ZNF100: variants seen among roughly 807,000 people sequenced by gnomAD.
The protein encoded by ZNF100 is zinc finger protein 100, also known as zinc finger protein 100 (Y1).
Under a neutral mutation model 15.8 loss-of-function variants are expected in ZNF100, and 12 were observed. The observed-to-expected ratio is 0.76, with a 90% CI of 0.49 to 1.23. The LOEUF (loss-of-function observed/expected upper bound fraction) is 1.23. Among genes scored for constraint, ZNF100 ranks in the 50% most tolerant of loss-of-function variants. The pLI, the probability that ZNF100 is intolerant of heterozygous loss-of-function variation, is 0.00. For missense variants in ZNF100, 670 were observed against 635.6 expected (o/e 1.05, Z -0.58); for synonymous variants, 226 against 214.8 (o/e 1.05, Z -0.45).
intron 2 of ZNF100, among the ~76,000 whole-genome samples, chr19:21,761,686 C>T (rs1451505538): frequency 4.6e-5 from 7 of 151,210 alleles, no homozygotes; most frequent in African/African-American, 1.7e-4. Context: ...TTTTTATGTT[C>T]ACACTTCACA....
At chr19:21,753,194 G>A (rs375239251) in intron 2 of ZNF100, 6 of 152,242 alleles carry the variant, frequency 3.9e-5, no homozygotes, top group African/African-American at 1.4e-4. Flanking sequence ...GCAGTGTATC[G>A]TGATGGTGCC....
At chr19:21,729,989 AAAG>A (rs1272526801) in intron 4 of ZNF100, among the ~76,000 whole-genome samples, 1 of 152,036 alleles carries the variant, frequency 6.6e-6, no homozygotes, top group East Asian at 1.9e-4. Flanking sequence ...ACAAAACAAG[AAAG>A]AAGTAAAAGC....
At chr19:21,766,347 C>T (rs1376887457) in intron 1 of ZNF100, among the ~76,000 whole-genome samples, 1 of 151,044 alleles carries the variant, frequency 6.6e-6, no homozygotes, top group Non-Finnish European at 1.5e-5. Flanking sequence ...ATCAGTTCCC[C>T]GTGGAGTGTG....
chr19:21,731,025 G>T (rs1253135608), intron 4 of ZNF100, among the ~76,000 whole-genome samples: 2 of 151,884 alleles, frequency 1.3e-5, no homozygotes, highest in African/African-American at 2.4e-5. Context: ...AACCCCAAAA[G>T]TATATAAAAT....
intron 4 of ZNF100, among the ~76,000 whole-genome samples, chr19:21,737,394 G>A (rs917904017): frequency 7.3e-5 from 11 of 151,720 alleles, no homozygotes; most frequent in African/African-American, 2.4e-4. Context: ...AATTAGTTGG[G>A]CATGGTGGCT....
In ZNF100 at chr19:21,724,361, A is replaced by C. The variant is rs1046819732; in HGVS notation, c.*2322T>G. On this transcript the variant is annotated 3_prime_UTR_variant, in exon 5 of 5. Coordinates refer to ENST00000358296, the MANE Select transcript of ZNF100 (RefSeq NM_173531.4). The stretch of plus-strand genomic sequence containing the variant: ...TACACTTAAGGTTTATCTTTAGACT[A>C]ACATATATTTAACTATATGTAAATC... 6.6e-6 allele frequency: 1 copy of C among 152,258 alleles called. No individual in the cohort carries two copies. Among genetic ancestry groups the C allele is most frequent in the Admixed American group, 6.5e-5 (1 of 15,300 alleles). The allele number at this position is 152,258 out of a possible 1,614,324, so 9.4% of individuals were successfully genotyped here.
intron 4 of ZNF100, among the ~76,000 whole-genome samples, chr19:21,730,445 A>AGTT (rs1555703207): frequency 1.4e-5 from 2 of 147,606 alleles, no homozygotes; most frequent in Non-Finnish European, 3.0e-5. Context: ...TGATAACCTA[A>AGTT]GTGTGTGTGT....
intron 4 of ZNF100, among the ~76,000 whole-genome samples, chr19:21,735,522 G>T (rs1418427262): frequency 1.4e-5 from 2 of 142,210 alleles, no homozygotes; most frequent in Admixed American, 7.0e-5. Context: ...AAAAAAAAAA[G>T]GCACAGAATG....
intron 2 of ZNF100, among the ~76,000 whole-genome samples, chr19:21,756,238 T>C (rs923920962): frequency 6.6e-6 from 1 of 152,172 alleles, no homozygotes; most frequent in African/African-American, 2.4e-5. Flanking sequence ...GAGTCATCTT[T>C]CACAAACTTA....
intron 2 of ZNF100, among the ~76,000 whole-genome samples, chr19:21,765,058 A>G (rs1031571146): frequency 1.3e-5 from 2 of 152,230 alleles, no homozygotes; most frequent in Admixed American, 6.5e-5. Context: ...ACTCTGGGAA[A>G]AACAGTAAAT....
intron 2 of ZNF100, among the ~76,000 whole-genome samples, chr19:21,747,599 C>T (rs866221234): frequency 6.7e-6 from 1 of 150,166 alleles, no homozygotes; most frequent in Non-Finnish European, 1.5e-5. Flanking sequence ...AAGCAGGCAC[C>T]GCACAGAGTC....
Position 21,765,569 on chromosome 19 carries a change from C to T in ZNF100, c.96+125G>A, listed in dbSNP as rs1315602543. 18 of 810,070 alleles carry T rather than the reference C, an allele frequency of 2.2e-5. 1 individual carries two copies. The highest frequency in any genetic ancestry group is 3.0e-5 in the Non-Finnish European group (15 of 502,266). The allele number at this position is 810,070 out of a possible 1,614,324, so 50.2% of individuals were successfully genotyped here. A position where few individuals can be genotyped will look rare whatever the true frequency, so the allele number is the denominator to read the frequency against. ...ATTTTTCTGCCCCCCTTAGATGATC[C>T]AGGGAGCAGAAATTATTTTTGTGTT... On this transcript the variant is annotated intron_variant, in intron 2 of 4. Coordinates refer to ENST00000358296, the MANE Select transcript of ZNF100 (RefSeq NM_173531.4).
rs764392732 is a variant in ZNF100 at position 21,744,002 on chromosome 19, T to C, written c.322+15A>G. 1 of 1,595,970 alleles carries C rather than the reference T, an allele frequency of 6.3e-7. No homozygotes were observed. Among genetic ancestry groups the C allele is most frequent in the South Asian group, 1.1e-5 (1 of 90,006 alleles). ...CCTCACATCTGTGTCATCTGTTGTGTTCACTCTCACCTACCTGGGGGTTTG... is the reference window on the plus strand; with the variant it reads ...CCTCACATCTGTGTCATCTGTTGTGCTCACTCTCACCTACCTGGGGGTTTG... On this transcript the variant is annotated intron_variant, in intron 4 of 4. Coordinates refer to ENST00000358296, the MANE Select transcript of ZNF100 (RefSeq NM_173531.4).
intron 2 of ZNF100, chr19:21,751,534 C>A: frequency 8.3e-7 from 1 of 1,199,428 alleles, no homozygotes; most frequent in Non-Finnish European, 1.2e-6. Flanking sequence ...GCCCCACTAA[C>A]TAGAAAAGGA....
At chr19:21,763,432 A>G (rs1190122517) in intron 2 of ZNF100, among the ~76,000 whole-genome samples, 2 of 152,136 alleles carry the variant, frequency 1.3e-5, no homozygotes, top group Non-Finnish European at 2.9e-5. Context: ...TCTACTAAAA[A>G]CACAAAAATT....
At position 21,733,376 on chromosome 19, in the gene ZNF100, T is replaced by C. The variant is rs191227471; in HGVS notation, c.323-5387A>G. ...GAAGGTGTGATGAGATTAAAATACA[T>C]TGTTTTAACTTTAAGATGTTTTATG... On this transcript the variant is annotated intron_variant, in intron 4 of 4. Transcript: ENST00000358296. Among the ~76,000 whole-genome samples the C allele has an allele frequency of 3.3e-3, 495 of 151,608 alleles. 2 individuals carry two copies. Among genetic ancestry groups the C allele is most frequent in the African/African-American group, 0.011 (474 of 41,244 alleles).
At chr19:21,734,648 G>C (rs1375667356) in intron 4 of ZNF100, among the ~76,000 whole-genome samples, 1 of 152,048 alleles carries the variant, frequency 6.6e-6, no homozygotes, top group Non-Finnish European at 1.5e-5. Context: ...GGATATCATC[G>C]AGAAAAACTT....
chr19:21,737,879 T>C (rs180843650), intron 4 of ZNF100, among the ~76,000 whole-genome samples: 2 of 152,274 alleles, frequency 1.3e-5, no homozygotes, highest in African/African-American at 2.4e-5. Flanking sequence ...TTTTATAAGA[T>C]CAGCATCATT....
chr19:21,728,036 T>A, intron 4 of ZNF100, 47 bp from the exon 5 acceptor site: 2 of 1,421,880 alleles, frequency 1.4e-6, no homozygotes, highest in Non-Finnish European at 1.8e-6. Flanking sequence ...TAGACACAGA[T>A]AGTTTACAAA....
Sources: allele counts gnomAD v4.1 joint callset (sites outside exome capture counted in the v4.1 genomes callset), GRCh38; gene constraint gnomAD v4.1.1; transcripts MANE v1.5; gene names NCBI Gene and HGNC (gene_info 2026-07-23, HGNC 2026-07-21).